Variants in MRI1 observed in about 807,000 individuals in gnomAD.
MRI1 encodes methylthioribose-1-phosphate isomerase 1.
A neutral mutation model predicts 27.3 loss-of-function variants in MRI1; 32 were observed. The observed-to-expected ratio is 1.17, with a 90% CI of 0.88 to 1.57. The LOEUF (loss-of-function observed/expected upper bound fraction) is 1.57. Among genes scored for constraint, MRI1 ranks in the 40% most tolerant of loss-of-function variants. The pLI, the probability that MRI1 is intolerant of heterozygous loss-of-function variation, is 0.00. For missense variants in MRI1, 508 were observed against 516.1 expected (o/e 0.98, Z 0.15); for synonymous variants, 216 against 227.4 (o/e 0.95, Z 0.45).
rs762023747 is a variant in MRI1, at chr19:13,768,758, G to C, written c.724+21G>C. 7.5e-5 allele frequency: 120 copies of C among 1,604,096 alleles called. 1 individual carries two copies. The highest frequency in any genetic ancestry group is 2.2e-4 in the Admixed American group (13 of 59,544). On this transcript the variant is annotated intron_variant, in intron 4 of 5. Transcript: ENST00000040663. Reference sequence around the variant, plus strand: ...GTCAGGTAAGCAGACGGTAAGCCCTGGGGGCGGGGCTCTGGAGCATGGGGC... The same window carrying C: ...GTCAGGTAAGCAGACGGTAAGCCCTCGGGGCGGGGCTCTGGAGCATGGGGC...
intron 5 of MRI1, among the ~76,000 whole-genome samples, chr19:13,770,003 G>T (rs1424645644): frequency 1.3e-5 from 2 of 151,908 alleles, no homozygotes; most frequent in African/African-American, 2.4e-5. Flanking sequence ...GTCTCGCTAT[G>T]TTCCCCAGGC....
chr19:13,772,524 T>A lies in MRI1; in HGVS notation c.*243T>A. 2.5e-6 allele frequency: 1 copy of A among 395,838 alleles called. No individual in the cohort carries two copies. The highest frequency in any genetic ancestry group is 4.6e-6 in the Non-Finnish European group (1 of 219,074). The allele number at this position is 395,838 out of a possible 1,614,324, so 24.5% of individuals were successfully genotyped here. ...TTCACCTCTCTGTGCCTTGGTTTCC[T>A]CATTTATAAAATGTGGATAACAGGC... On this transcript the variant is annotated 3_prime_UTR_variant, in exon 6 of 6. Transcript: ENST00000040663.
rs1217878380 is a variant in MRI1 at position 13,772,508 on chromosome 19, CTG to C, written c.*230_*231del. ...ATCTTGGGCAAGTCACTTCACCTCT[CTG>C]TGCCTTGGTTTCCTCATTTATAAAA... On this transcript the variant is annotated 3_prime_UTR_variant, in exon 6 of 6. Transcript: ENST00000040663. The C allele has an allele frequency of 1.8e-5, 8 of 442,610 alleles. No individual in the cohort carries two copies. Among genetic ancestry groups the C allele is most frequent in the Non-Finnish European group, 2.8e-5 (7 of 247,708 alleles). 27.4% of individuals were successfully genotyped at this position (442,610 alleles called of 1,614,324 possible).
intron 1 of MRI1, 44 bp downstream of exon 1, chr19:13,764,764 C>CTGGA: frequency 4.0e-6 from 1 of 252,322 alleles, no homozygotes; most frequent in South Asian, 1.7e-4. Context: ...GGCGGCGGGG[C>CTGGA]GGCGGGGCGG....
chr19:13,772,083 A>C (rs1261274716), intron 5 of MRI1, 38 bp from the exon 6 acceptor site: 2 of 1,564,692 alleles, frequency 1.3e-6, no homozygotes, highest in East Asian at 2.3e-5. Context: ...TCACAGAAGC[A>C]AATTCTTGCC....
At position 13,768,589 on chromosome 19, in the gene MRI1, C is replaced by T. The variant is rs1974195703; in HGVS notation, c.576C>T (p.Gly192=). The T allele has an allele frequency of 3.1e-6, 5 of 1,610,006 alleles. No homozygotes were observed. Among genetic ancestry groups the T allele is most frequent in the Non-Finnish European group, 4.2e-6 (5 of 1,178,618 alleles). ...TGATTCGCTCACTGCACAGCCTGGG[C>T]CGCCTGGAGCATGCCTTCTGCACAG... is the stretch of plus-strand genomic sequence containing the variant. ...LGVIRSLHSL[G]RLEHAFCTET... The change falls in exon 4 of 6, where the codon GGC becomes GGT. Residue 192 remains glycine (G), a synonymous_variant. Transcript: ENST00000040663.
chr19:13,764,775 CGGGG>C, intron 1 of MRI1, 55 bp downstream of exon 1: 1 of 188,516 alleles, frequency 5.3e-6, no homozygotes, highest in Non-Finnish European at 8.6e-6. Context: ...GGCGGGGCGG[CGGGG>C]CGGCGGGGCG....
chr19:13,767,866 T>TC (rs1974174302), intron 3 of MRI1, among the ~76,000 whole-genome samples: 2 of 110,582 alleles, frequency 1.8e-5, no homozygotes, highest in Non-Finnish European at 1.7e-5. Context: ...CTTTCCTTTT[T>TC]TTTTTTTTTT....
intron 3 of MRI1, among the ~76,000 whole-genome samples, chr19:13,767,624 G>A (rs1244861015): frequency 1.4e-5 from 2 of 138,740 alleles, no homozygotes; most frequent in Non-Finnish European, 3.1e-5. Flanking sequence ...GGGCTTCATG[G>A]CAAAACCCCA....
chr19:13,765,609 A>G (rs567065396), intron 2 of MRI1, among the ~76,000 whole-genome samples: 3 of 152,056 alleles, frequency 2.0e-5, no homozygotes, highest in South Asian at 2.1e-4. Flanking sequence ...CCACCATTCT[A>G]TATGATCCAG....
chr19:13,768,579 A>G lies in MRI1; in HGVS notation c.566A>G (p.His189Arg), dbSNP rs199781657. 7 of 1,608,766 alleles carry G rather than the reference A, an allele frequency of 4.4e-6. No individual in the cohort carries two copies. The highest frequency in any genetic ancestry group is 1.7e-5 in the Admixed American group (1 of 59,476). ...CCCGCAGGTGTGATTCGCTCACTGCACAGCCTGGGCCGCCTGGAGCATGCC... is the reference window on the plus strand; with the variant it reads ...CCCGCAGGTGTGATTCGCTCACTGCGCAGCCTGGGCCGCCTGGAGCATGCC... ...GTALGVIRSL[H>R]SLGRLEHAFC... Residue 189 changes from histidine (H) to arginine (R), a missense_variant, in exon 4 of 6, where the codon CAC becomes CGC. His to Arg is a conservative substitution (Grantham distance 29). Transcript: ENST00000040663.
At chr19:13,765,566 T>C (rs577507870) in intron 2 of MRI1, among the ~76,000 whole-genome samples, 3 of 152,162 alleles carry the variant, frequency 2.0e-5, no homozygotes, top group Non-Finnish European at 4.4e-5. Context: ...GCACGTGCCA[T>C]TGGTGCGGGC....
rs1250741648 is a variant in MRI1, at chr19:13,767,008, CATATATATAT to C, written c.547+900_547+909del. On this transcript the variant is annotated intron_variant, in intron 3 of 5. Coordinates refer to ENST00000040663, the MANE Select transcript of MRI1 (RefSeq NM_001031727.4). ...TATTTGCATGACCTATGCACATCCA[CATATATATAT>C]ATATATATATATATATATATTTTTT... Among the ~76,000 whole-genome samples, 129 of 49,578 alleles carry C rather than the reference CATATATATAT, an allele frequency of 2.6e-3. 3 individuals are homozygous for C. Among genetic ancestry groups the C allele is most frequent in the East Asian group, 0.016 (22 of 1,338 alleles). 32.5% of individuals were successfully genotyped at this position (49,578 alleles called of 152,430 possible).
At chr19:13,766,989 C>T (rs1445628114) in intron 3 of MRI1, among the ~76,000 whole-genome samples, 1 of 132,378 alleles carries the variant, frequency 7.6e-6, no homozygotes, top group Non-Finnish European at 1.6e-5. Flanking sequence ...ATCATATTTG[C>T]ATGACCTATG....
rs1279699855 is a variant in MRI1 at position 13,773,871 on chromosome 19, C to T, written c.*1590C>T. On this transcript the variant is annotated 3_prime_UTR_variant, in exon 6 of 6. Transcript: ENST00000040663. ...CACCATGTTAGTCGTGGCTGGTCTC[C>T]AACTCCTGACCTCGGGTGATCCGCG... The T allele has an allele frequency of 6.6e-6, 1 of 152,312 alleles. No homozygotes were observed. The highest frequency in any genetic ancestry group is 1.5e-5 in the Non-Finnish European group (1 of 68,060). The allele number at this position is 152,312 out of a possible 1,614,324, so 9.4% of individuals were successfully genotyped here. A position where few individuals can be genotyped will look rare whatever the true frequency, so the allele number is the denominator to read the frequency against.
chr19:13,768,932 T>G lies in MRI1; in HGVS notation c.833T>G (p.Val278Gly), dbSNP rs1974209902. 6.2e-7 allele frequency: 1 copy of G among 1,614,122 alleles called. No individual in the cohort carries two copies. The highest frequency in any genetic ancestry group is 8.5e-7 in the Non-Finnish European group (1 of 1,180,000). Residue 278 changes from valine (V) to glycine (G), a missense_variant, in exon 5 of 6, where the codon GTG becomes GGG. Val to Gly is a moderately radical substitution (Grantham distance 109). Coordinates refer to ENST00000040663, the MANE Select transcript of MRI1 (RefSeq NM_001031727.4). ...VAKHHGIPFYVAAPSSSCDLR... is the reference protein window; with the variant it reads ...VAKHHGIPFYGAAPSSSCDLR... ...AAGCACCATGGCATTCCCTTCTACG[T>G]GGCTGCCCCCAGCTCTTCATGTGAC...
In MRI1 at chr19:13,769,056, G is replaced by GC. The variant is rs758325822; in HGVS notation, c.949+13dup. 1.4e-5 allele frequency: 22 copies of GC among 1,596,156 alleles called. No individual in the cohort carries two copies. The highest frequency in any genetic ancestry group is 1.9e-5 in the Non-Finnish European group (22 of 1,168,284). On this transcript the variant is annotated intron_variant, in intron 5 of 5. Coordinates refer to ENST00000040663, the MANE Select transcript of MRI1 (RefSeq NM_001031727.4). The stretch of plus-strand genomic sequence containing the variant: ...TCCGGATTGCAGCACCTGGTAAGCT[G>GC]CCCCCTCAGAAAGGGGACACCCCAG...
chr19:13,765,030 C>T lies in MRI1; in HGVS notation c.292C>T (p.Arg98Cys), dbSNP rs1397735577. 6.6e-7 allele frequency: 1 copy of T among 1,524,970 alleles called. No homozygotes were observed. Among genetic ancestry groups the T allele is most frequent in the Non-Finnish European group, 8.8e-7 (1 of 1,141,286 alleles). The allele number at this position is 1,524,970 out of a possible 1,614,324, so 94.5% of individuals were successfully genotyped here. The change falls in exon 2 of 6, where the codon CGC (arginine) becomes TGC (cysteine). Residue 98 changes from arginine (R) to cysteine (C), a missense_variant. Arg to Cys is a radical substitution (Grantham distance 180). Transcript: ENST00000040663. The part of the protein sequence containing the change: ...TARPTAVNMA[R>C]AARDLADVAA... ...CCGGCCCACCGCTGTCAACATGGCC[C>T]GCGCCGCCCGCGACCTGGCTGATGT... is the stretch of plus-strand genomic sequence containing the variant.
Position 13,768,945 on chromosome 19 carries a change from C to T in MRI1, c.846C>T (p.Ser282=). 6.2e-7 allele frequency: 1 copy of T among 1,614,158 alleles called. No homozygotes were observed. The highest frequency in any genetic ancestry group is 8.5e-7 in the Non-Finnish European group (1 of 1,180,016). ...TTCCCTTCTACGTGGCTGCCCCCAGCTCTTCATGTGACCTCCGTCTGGAGA... is the reference window on the plus strand; with the variant it reads ...TTCCCTTCTACGTGGCTGCCCCCAGTTCTTCATGTGACCTCCGTCTGGAGA... ...HGIPFYVAAP[S]SSCDLRLETG... The change falls in exon 5 of 6, where the codon AGC becomes AGT. Residue 282 remains serine (S), a synonymous_variant. Transcript: ENST00000040663.
Sources: gnomAD v4.1 joint callset for allele counts (sites outside exome capture counted in the v4.1 genomes callset) on GRCh38, gnomAD v4.1.1 for gene constraint, MANE v1.5 for transcripts, NCBI Gene and HGNC (gene_info 2026-07-23, HGNC 2026-07-21) for gene names.